CTNNA3: variants seen among roughly 807,000 people sequenced by gnomAD.
CTNNA3 encodes the protein catenin alpha 3, also known as catenin alpha-3.
A neutral mutation model predicts 95.7 loss-of-function variants in CTNNA3; 76 were observed. That is an observed-to-expected ratio of 0.79 (90% CI 0.66 to 0.96). The LOEUF (loss-of-function observed/expected upper bound fraction) is 0.96, where lower values mean the gene tolerates loss of function less well. Ranked by LOEUF, CTNNA3 falls within the 40% of genes least tolerant of loss-of-function variation. The pLI is 0.00. For missense variants in CTNNA3, 1,191 were observed against 1,089.8 expected (o/e 1.09, Z -1.31); for synonymous variants, 431 against 374.4 (o/e 1.15, Z -1.74).
At chr10:67,044,479 G>A (rs956682227) in intron 7 of CTNNA3, among the ~76,000 whole-genome samples, 1 of 152,094 alleles carries the variant, frequency 6.6e-6, no homozygotes, top group Admixed American at 6.5e-5. Flanking sequence ...AAATTTAAAT[G>A]CAATGTTAGA....
intron 14 of CTNNA3, among the ~76,000 whole-genome samples, chr10:66,091,893 A>C (rs2081227354): frequency 6.6e-6 from 1 of 151,924 alleles, no homozygotes. Flanking sequence ...AGAAGGTTGC[A>C]AAATAATAAT....
intron 12 of CTNNA3, among the ~76,000 whole-genome samples, chr10:66,361,887 T>G (rs1406188631): frequency 2.0e-5 from 3 of 152,084 alleles, no homozygotes; most frequent in South Asian, 4.2e-4. Context: ...TTAACCTTTA[T>G]CATCCACTTA....
At chr10:66,729,460 A>G (rs2132660501) in intron 9 of CTNNA3, among the ~76,000 whole-genome samples, 1 of 152,386 alleles carries the variant, frequency 6.6e-6, no homozygotes, top group South Asian at 2.1e-4. Context: ...TATATACCCA[A>G]AGAAATATAA....
chr10:67,465,123 T>A (rs888043700), intron 5 of CTNNA3, among the ~76,000 whole-genome samples: 1 of 152,102 alleles, frequency 6.6e-6, no homozygotes, highest in African/African-American at 2.4e-5. Context: ...TTGCATCATT[T>A]AAAATAATAA....
At chr10:67,687,895 C>T (rs1840764505) in intron 1 of CTNNA3, among the ~76,000 whole-genome samples, 1 of 152,144 alleles carries the variant, frequency 6.6e-6, no homozygotes, top group Non-Finnish European at 1.5e-5. Context: ...CTCCAGTCCC[C>T]ATGATCTGAG....
intron 14 of CTNNA3, among the ~76,000 whole-genome samples, chr10:66,099,736 T>G (rs1172384065): frequency 6.6e-6 from 1 of 152,216 alleles, no homozygotes; most frequent in African/African-American, 2.4e-5. Flanking sequence ...TGTCTTCCCC[T>G]TGTCAGACAG....
intron 5 of CTNNA3, among the ~76,000 whole-genome samples, chr10:67,274,941 T>C (rs1190216065): frequency 6.6e-6 from 1 of 152,066 alleles, no homozygotes; most frequent in African/African-American, 2.4e-5. Flanking sequence ...CAATAGAAAA[T>C]ATATTCTGAT....
chr10:66,414,465 T>C (rs66719646), intron 11 of CTNNA3, among the ~76,000 whole-genome samples: 17,855 of 152,144 alleles, frequency 0.12, 1,523 homozygotes, highest in African/African-American at 0.24. Context: ...GCCTGCATTT[T>C]CATCATAGAC....
chr10:66,934,025 T>C (rs1847554188), intron 7 of CTNNA3, among the ~76,000 whole-genome samples: 1 of 152,114 alleles, frequency 6.6e-6, no homozygotes, highest in African/African-American at 2.4e-5. Flanking sequence ...TGGACGCTCT[T>C]GAGTTAGGGA....
intron 5 of CTNNA3, among the ~76,000 whole-genome samples, chr10:67,366,398 GA>G (rs1173562053): frequency 6.7e-6 from 1 of 149,812 alleles, no homozygotes; most frequent in Non-Finnish European, 1.5e-5. Context: ...CTGACATTCA[GA>G]AAAAAAAATA....
chr10:67,626,789 G>T (rs1247473618), intron 2 of CTNNA3, among the ~76,000 whole-genome samples: 2 of 151,910 alleles, frequency 1.3e-5, no homozygotes, highest in Non-Finnish European at 2.9e-5. Context: ...CTACATGTAT[G>T]TGTCTATACA....
At chr10:66,894,047 T>C (rs1845379633) in intron 7 of CTNNA3, among the ~76,000 whole-genome samples, 1 of 152,110 alleles carries the variant, frequency 6.6e-6, no homozygotes, top group Non-Finnish European at 1.5e-5. Context: ...AGAAAAAAGT[T>C]ATTGCATGTT....
At chr10:67,273,980 T>C (rs933589737) in intron 5 of CTNNA3, among the ~76,000 whole-genome samples, 9 of 152,192 alleles carry the variant, frequency 5.9e-5, no homozygotes, top group African/African-American at 1.7e-4. Flanking sequence ...ACAAGGATGT[T>C]TGTATTCATC....
intron 7 of CTNNA3, among the ~76,000 whole-genome samples, chr10:66,778,061 G>T (rs1398476691): frequency 6.6e-6 from 1 of 152,050 alleles, no homozygotes; most frequent in Non-Finnish European, 1.5e-5. Flanking sequence ...ATGTTTCACT[G>T]GGTCAAAGAC....
At chr10:66,420,887 T>C (rs555941069) in intron 11 of CTNNA3, among the ~76,000 whole-genome samples, 1 of 151,972 alleles carries the variant, frequency 6.6e-6, no homozygotes, top group Non-Finnish European at 1.5e-5. Context: ...AGAACTACAA[T>C]ATGATCCAGC....
At chr10:66,626,045 T>C (rs1564577171) in intron 9 of CTNNA3, among the ~76,000 whole-genome samples, 1 of 152,182 alleles carries the variant, frequency 6.6e-6, no homozygotes, top group Non-Finnish European at 1.5e-5. Flanking sequence ...CTTTTCATCA[T>C]TACTTTGTTC....
At chr10:66,145,903 G>T (rs1381188143) in intron 13 of CTNNA3, among the ~76,000 whole-genome samples, 1 of 152,156 alleles carries the variant, frequency 6.6e-6, no homozygotes, top group African/African-American at 2.4e-5. Flanking sequence ...TGCCAGGCTG[G>T]AGTGCAGTGG....
At chr10:67,218,673 A>C (rs1864502492) in intron 6 of CTNNA3, among the ~76,000 whole-genome samples, 1 of 152,144 alleles carries the variant, frequency 6.6e-6, no homozygotes, top group African/African-American at 2.4e-5. Flanking sequence ...ATTCTATCAA[A>C]ATTCAGTTGA....
intron 14 of CTNNA3, among the ~76,000 whole-genome samples, chr10:66,080,995 G>T (rs567807139): frequency 6.6e-6 from 1 of 152,258 alleles, no homozygotes; most frequent in South Asian, 2.1e-4. Context: ...GACAGAGAAA[G>T]AATTTACAAT....
Sources: gnomAD v4.1 joint callset for allele counts (sites outside exome capture counted in the v4.1 genomes callset) on GRCh38, gnomAD v4.1.1 for gene constraint, MANE v1.5 for transcripts, NCBI Gene and HGNC (gene_info 2026-07-23, HGNC 2026-07-21) for gene names.